The following TUBA1C variants were observed in gnomAD, a reference collection of about 807,000 sequenced individuals.
The protein encoded by TUBA1C is tubulin alpha 1c.
Under a neutral mutation model 34.9 loss-of-function variants are expected in TUBA1C, and 16 were observed. The ratio of observed to expected loss-of-function variants is 0.46; its 90% CI spans 0.31 to 0.70. The LOEUF is 0.70. TUBA1C is among the 30% of genes least tolerant of loss of function. The pLI, the probability that TUBA1C is intolerant of heterozygous loss-of-function variation, is 0.05. For missense variants in TUBA1C, 329 were observed against 587.3 expected (o/e 0.56, Z 4.55); for synonymous variants, 177 against 215.9 (o/e 0.82, Z 1.58).
At chr12:49,257,493 G>A (rs369014976) in intron 1 of TUBA1C, among the ~76,000 whole-genome samples, 1 of 151,626 alleles carries the variant, frequency 6.6e-6, no homozygotes, top group Non-Finnish European at 1.5e-5. Flanking sequence ...TTAATTTTAC[G>A]TTTGCAGGCC....
rs973920404 is a variant in TUBA1C at position 49,274,489 on chromosome 12, T to A, written c.*1262T>A. On this transcript the variant is annotated 3_prime_UTR_variant, in exon 4 of 4. Coordinates refer to ENST00000301072, the MANE Select transcript of TUBA1C (RefSeq NM_032704.5). ...ATGCTGTTGGTCTGATGTGACCACA[T>A]GTACAGTAGCAAAGGGTTAGATAAC... is the stretch of plus-strand genomic sequence containing the variant. The A allele has an allele frequency of 2.0e-5, 3 of 151,868 alleles. No homozygotes were observed. The highest frequency in any genetic ancestry group is 2.0e-4 in the Admixed American group (3 of 15,206). 9.4% of individuals were successfully genotyped at this position (151,868 alleles called of 1,614,324 possible).
chr12:49,229,532 T>C (rs2136982345), intron 1 of TUBA1C, among the ~76,000 whole-genome samples: 1 of 152,284 alleles, frequency 6.6e-6, no homozygotes, highest in Middle Eastern at 3.4e-3. Flanking sequence ...ATACCCCTTA[T>C]ACGAATAAAT....
intron 1 of TUBA1C, among the ~76,000 whole-genome samples, chr12:49,241,611 TC>T (rs1273380753): frequency 7.8e-6 from 1 of 129,002 alleles, no homozygotes; most frequent in Non-Finnish European, 1.6e-5. Context: ...TTTCCTCCCC[TC>T]CCTCCCTCCC....
At chr12:49,234,859 C>T (rs1402002004) in intron 1 of TUBA1C, among the ~76,000 whole-genome samples, 1 of 152,112 alleles carries the variant, frequency 6.6e-6, no homozygotes, top group Non-Finnish European at 1.5e-5. Flanking sequence ...CTTTTGTTGC[C>T]CAGGCTGGAG....
At chr12:49,228,225 T>A in intron 1 of TUBA1C, 1 of 1,476,606 alleles carries the variant, frequency 6.8e-7, no homozygotes, top group African/African-American at 1.4e-5. Flanking sequence ...TTGGACATGG[T>A]ACTGTGTGCA....
chr12:49,244,021 G>A (rs1451133221), intron 1 of TUBA1C, among the ~76,000 whole-genome samples: 1 of 151,752 alleles, frequency 6.6e-6, no homozygotes, highest in Non-Finnish European at 1.5e-5. Flanking sequence ...GTGGTGGCGG[G>A]CACCTGTAAT....
chr12:49,271,617 G>A (rs145274089), intron 3 of TUBA1C, among the ~76,000 whole-genome samples: 48 of 152,304 alleles, frequency 3.2e-4, no homozygotes, highest in African/African-American at 1.0e-3. Context: ...TGGTACAGCC[G>A]GATCCTGACA....
chr12:49,257,843 T>TA (rs748253214), intron 1 of TUBA1C: 1,200 of 174,022 alleles, frequency 6.9e-3, no homozygotes, highest in South Asian at 0.024. Context: ...ACAAAAAGTT[T>TA]AAAAAAAAAA....
intron 3 of TUBA1C, among the ~76,000 whole-genome samples, chr12:49,271,438 A>G (rs1164846343): frequency 1.3e-5 from 2 of 152,166 alleles, no homozygotes; most frequent in African/African-American, 4.8e-5. Flanking sequence ...CCCAAAATAA[A>G]TGGGCTTCTT....
chr12:49,245,336 C>A (rs144453417), intron 1 of TUBA1C, among the ~76,000 whole-genome samples: 45 of 152,286 alleles, frequency 3.0e-4, no homozygotes, highest in Non-Finnish European at 5.3e-4. Flanking sequence ...CACGGTGGCT[C>A]ACACCTGTAA....
At chr12:49,237,556 A>C (rs1942569248) in intron 1 of TUBA1C, among the ~76,000 whole-genome samples, 1 of 151,898 alleles carries the variant, frequency 6.6e-6, no homozygotes, top group South Asian at 2.1e-4. Context: ...CAGCCTGGGC[A>C]ACACAGTGAG....
intron 1 of TUBA1C, among the ~76,000 whole-genome samples, chr12:49,266,279 A>AG (rs1555167862): frequency 8.8e-5 from 13 of 146,920 alleles, no homozygotes; most frequent in African/African-American, 3.1e-4. Context: ...AAAAAAAAAA[A>AG]ATTAGCTGGG....
chr12:49,232,197 G>A (rs867281008), intron 1 of TUBA1C, among the ~76,000 whole-genome samples: 2 of 152,208 alleles, frequency 1.3e-5, no homozygotes, highest in Non-Finnish European at 2.9e-5. Context: ...CTGTCTGAAA[G>A]GGCCTGAGGA....
chr12:49,249,585 C>T (rs547671864), intron 1 of TUBA1C, among the ~76,000 whole-genome samples: 2 of 152,238 alleles, frequency 1.3e-5, no homozygotes, highest in African/African-American at 2.4e-5. Flanking sequence ...AATGACTGGT[C>T]GTGGTGGCTC....
Position 49,256,699 on chromosome 12 carries a change from A to G in TUBA1C, c.214-12766A>G, listed in dbSNP as rs1942787552. 2.0e-5 allele frequency among the ~76,000 whole-genome samples: 3 copies of G among 152,312 alleles called. No individual in the cohort carries two copies. In the South Asian group the frequency reaches 6.2e-4, roughly 32 times the overall value. On this transcript the variant is annotated intron_variant, in intron 1 of 3. Coordinates refer to the TUBA1C transcript ENST00000541364. ...TGGACTAGAGGATCAAAAACAGCAA[A>G]GTGTTGTAAAAACAGAGGCCTGCAA... is the stretch of plus-strand genomic sequence containing the variant.
At chr12:49,240,030 G>A (rs1399925595) in intron 1 of TUBA1C, among the ~76,000 whole-genome samples, 1 of 104,476 alleles carries the variant, frequency 9.6e-6, no homozygotes, top group Admixed American at 1.2e-4. Flanking sequence ...CACCCTCAGA[G>A]CACAGACACA....
At chr12:49,245,376 G>A (rs961706100) in intron 1 of TUBA1C, among the ~76,000 whole-genome samples, 2 of 152,192 alleles carry the variant, frequency 1.3e-5, no homozygotes, top group African/African-American at 2.4e-5. Flanking sequence ...CAAGGTGGGA[G>A]GATCACTTGA....
Position 49,269,467 on chromosome 12 carries a change from T to C in TUBA1C, c.6T>C (p.Arg2=), listed in dbSNP as rs1161868794. M[R]ECISIHVGQA... The stretch of plus-strand genomic sequence containing the variant: ...ATTTTCCTTTCTTCCTCCCACAGCG[T>C]GAGTGCATCTCCATCCACGTTGGCC... The change falls in exon 2 of 4, where the codon CGT becomes CGC. Residue 2 remains arginine (R), a splice_region_variant and synonymous_variant. Transcript: ENST00000301072. 6 of 1,614,080 alleles carry C rather than the reference T, an allele frequency of 3.7e-6. No individual in the cohort carries two copies. The highest frequency in any genetic ancestry group is 1.3e-5 in the African/African-American group (1 of 74,922).
intron 1 of TUBA1C, among the ~76,000 whole-genome samples, chr12:49,242,962 A>G (rs778275512): frequency 2.7e-4 from 41 of 152,064 alleles, no homozygotes; most frequent in Non-Finnish European, 4.6e-4. Flanking sequence ...ATGCACCACC[A>G]CACCCAGCTA....
Sources: allele counts gnomAD v4.1 joint callset (sites outside exome capture counted in the v4.1 genomes callset), GRCh38; gene constraint gnomAD v4.1.1; transcripts MANE v1.5; gene names NCBI Gene and HGNC (gene_info 2026-07-23, HGNC 2026-07-21).